Variants in SLCO2A1 observed in about 807,000 individuals in gnomAD.
SLCO2A1 encodes the protein matrin F/G 1.
In SLCO2A1, 60 loss-of-function variants were observed where a neutral mutation model predicts 71.7. The ratio of observed to expected loss-of-function variants is 0.84; its 90% CI spans 0.68 to 1.04. The LOEUF is 1.04. Ranked by LOEUF, SLCO2A1 falls within the 50% of genes least tolerant of loss-of-function variation. The pLI, the probability that SLCO2A1 is intolerant of heterozygous loss-of-function variation, is 0.00. For missense variants in SLCO2A1, 745 were observed against 813.4 expected (o/e 0.92, Z 1.02); for synonymous variants, 308 against 326.7 (o/e 0.94, Z 0.62).
intron 3 of SLCO2A1, among the ~76,000 whole-genome samples, chr3:133,969,982 G>A (rs776770881): frequency 2.4e-4 from 36 of 152,172 alleles, no homozygotes; most frequent in Non-Finnish European, 4.3e-4. Flanking sequence ...CATGCCAAGG[G>A]AGGCGCCCTG....
chr3:134,013,615 C>T (rs1453524912), intron 1 of SLCO2A1, among the ~76,000 whole-genome samples: 2 of 152,172 alleles, frequency 1.3e-5, no homozygotes, highest in African/African-American at 4.8e-5. Flanking sequence ...GGTAAGTCAA[C>T]CAGATAAACT....
chr3:134,027,754 C>T (rs1935727753), intron 1 of SLCO2A1, among the ~76,000 whole-genome samples: 2 of 152,192 alleles, frequency 1.3e-5, no homozygotes, highest in Non-Finnish European at 2.9e-5. Context: ...AATAGCAGAG[C>T]TCCCAGTTAT....
chr3:133,937,382 A>G (rs1933293307), intron 12 of SLCO2A1, among the ~76,000 whole-genome samples: 1 of 152,196 alleles, frequency 6.6e-6, no homozygotes, highest in African/African-American at 2.4e-5. Context: ...TGCAGGGACT[A>G]GAGGAACAAG....
chr3:134,002,376 G>A (rs986150663), intron 1 of SLCO2A1, among the ~76,000 whole-genome samples: 6 of 152,208 alleles, frequency 3.9e-5, no homozygotes, highest in Admixed American at 1.3e-4. Context: ...AAAGCTCTGG[G>A]AGGCCTTCCC....
intron 1 of SLCO2A1, among the ~76,000 whole-genome samples, chr3:134,005,612 G>A (rs1484361934): frequency 6.6e-6 from 1 of 151,456 alleles, no homozygotes; most frequent in Admixed American, 6.6e-5. Context: ...CTCCCGAGTA[G>A]CTGGGACTAC....
chr3:133,987,101 T>C (rs1472741958), intron 1 of SLCO2A1, among the ~76,000 whole-genome samples: 1 of 151,308 alleles, frequency 6.6e-6, no homozygotes, highest in Non-Finnish European at 1.5e-5. Context: ...TGATGTCTTA[T>C]GTCCATGTAA....
At chr3:133,936,020 G>T in intron 12 of SLCO2A1, 123 bp from the exon 13 acceptor site, 1 of 999,646 alleles carries the variant, frequency 1.0e-6, no homozygotes, top group Non-Finnish European at 1.3e-6. Flanking sequence ...CGTACCCATA[G>T]GACTCACAGT....
intron 9 of SLCO2A1, among the ~76,000 whole-genome samples, chr3:133,946,453 T>A (rs1176107470): frequency 6.6e-6 from 1 of 152,150 alleles, no homozygotes. Flanking sequence ...CCCATATTGC[T>A]GTCTGCAAAC....
intron 1 of SLCO2A1, among the ~76,000 whole-genome samples, chr3:134,009,726 G>T (rs1215609909): frequency 6.6e-6 from 1 of 152,256 alleles, no homozygotes. Flanking sequence ...CACCACTGAT[G>T]AATTTGGCTT....
chr3:133,967,866 C>T (rs1934222522), intron 3 of SLCO2A1, among the ~76,000 whole-genome samples: 1 of 97,440 alleles, frequency 1.0e-5, no homozygotes, highest in African/African-American at 3.8e-5. Flanking sequence ...CTCACAGGCA[C>T]CCCACCCCAC....
chr3:133,973,569 G>T, intron 3 of SLCO2A1, 94 bp downstream of exon 3: 1 of 1,292,812 alleles, frequency 7.7e-7, no homozygotes, highest in Non-Finnish European at 1.1e-6. Flanking sequence ...CCTCTTCCTG[G>T]AGTGGTATCC....
intron 5 of SLCO2A1, among the ~76,000 whole-genome samples, chr3:133,951,777 C>A (rs1341681056): frequency 6.6e-6 from 1 of 152,194 alleles, no homozygotes; most frequent in African/African-American, 2.4e-5. Flanking sequence ...GGTTAAGTCC[C>A]TTGCCTCAGG....
At position 133,955,149 on chromosome 3, in the gene SLCO2A1, G is replaced by A; in HGVS notation, c.442C>T (p.Gln148Ter). ...TGGCACTTACTGGGAGGCAGGTCCT[G>A]CCAATGCTTCTGGCAGAGCTCGGCC... ...LQAELCQKHW[Q>*]DLPPSKCHST... is the part of the protein sequence containing the mutation. Residue 148 changes from glutamine (Q) to a stop codon, truncating the protein, a stop_gained, in exon 4 of 14, where the codon CAG (glutamine) becomes TAG (stop). Coordinates refer to ENST00000310926, the MANE Select transcript of SLCO2A1 (RefSeq NM_005630.3). LOFTEE classifies it high-confidence loss of function. 1 of 1,614,110 alleles carries A rather than the reference G, an allele frequency of 6.2e-7. No homozygotes were observed. Among genetic ancestry groups the A allele is most frequent in the African/African-American group, 1.3e-5 (1 of 75,052 alleles).
intron 1 of SLCO2A1, among the ~76,000 whole-genome samples, chr3:134,023,531 T>C (rs1213317865): frequency 6.6e-6 from 1 of 152,170 alleles, no homozygotes; most frequent in Non-Finnish European, 1.5e-5. Context: ...CAACCAGAAG[T>C]CTTGCCCCCC....
intron 1 of SLCO2A1, among the ~76,000 whole-genome samples, chr3:134,028,480 T>A (rs1312801845): frequency 6.6e-6 from 1 of 152,200 alleles, no homozygotes; most frequent in Non-Finnish European, 1.5e-5. Context: ...CAAAATCAAT[T>A]CAGCCTGTAT....
At chr3:134,018,376 G>A (rs1460080609) in intron 1 of SLCO2A1, among the ~76,000 whole-genome samples, 1 of 152,190 alleles carries the variant, frequency 6.6e-6, no homozygotes, top group African/African-American at 2.4e-5. Flanking sequence ...AGTTAAGCAA[G>A]CCCAAGATGC....
rs1559957072 is a variant in SLCO2A1 at position 134,010,528 on chromosome 3, C to CT, written c.96+19178_96+19179insA. ...CAGCACTTTGGGAGGCCAAGGTGGG[C>CT]GGATCACAAGGTCAGGACTTCAAGA... On this transcript the variant is annotated intron_variant, in intron 1 of 13. Transcript: ENST00000310926. Among the ~76,000 whole-genome samples, 5 of 151,776 alleles carry CT rather than the reference C, an allele frequency of 3.3e-5. No individual in the cohort carries two copies. The East Asian group carries it at 9.7e-4, about 29-fold the overall frequency.
rs375323226 is a variant in SLCO2A1, at chr3:134,020,124, C to T, written c.96+9583G>A. On this transcript the variant is annotated intron_variant, in intron 1 of 13. Coordinates refer to ENST00000310926, the MANE Select transcript of SLCO2A1 (RefSeq NM_005630.3). ...CCGATCTAATTACCGGTGCATGCAGCCCCCAGTCACGCACCCCCTGCTTGC... is the reference window on the plus strand; with the variant it reads ...CCGATCTAATTACCGGTGCATGCAGTCCCCAGTCACGCACCCCCTGCTTGC... Among the ~76,000 whole-genome samples, 113 of 152,156 alleles carry T rather than the reference C, an allele frequency of 7.4e-4. 1 individual carries two copies. The highest frequency in any genetic ancestry group is 2.7e-3 in the African/African-American group (111 of 41,496).
chr3:133,981,800 C>T (rs1279141909), intron 1 of SLCO2A1, among the ~76,000 whole-genome samples: 1 of 152,180 alleles, frequency 6.6e-6, no homozygotes, highest in East Asian at 1.9e-4. Flanking sequence ...CGTGGTGAAA[C>T]CCCGTCTCTA....
Sources: gnomAD v4.1 joint callset for allele counts (sites outside exome capture counted in the v4.1 genomes callset) on GRCh38, gnomAD v4.1.1 for gene constraint, MANE v1.5 for transcripts, NCBI Gene and HGNC (gene_info 2026-07-23, HGNC 2026-07-21) for gene names.